The following RELA variants were observed in gnomAD, a reference collection of about 807,000 sequenced individuals.
The protein encoded by RELA is transcription factor p65.
Under a neutral mutation model 56.7 loss-of-function variants are expected in RELA, and 14 were observed. The ratio of observed to expected loss-of-function variants is 0.25; its 90% CI spans 0.16 to 0.39. The LOEUF is 0.39. RELA is among the 10% of genes least tolerant of loss of function. The probability of loss-of-function intolerance (pLI) is 1.00; values close to 1 mark genes in which losing one functional copy is unlikely to be tolerated. For missense variants in RELA, 559 were observed against 736.4 expected (o/e 0.76, Z 2.79); for synonymous variants, 315 against 289.7 (o/e 1.09, Z -0.89).
chr11:65,663,303 C>CG (rs1181580243), upstream of RELA, among the ~76,000 whole-genome samples: 1 of 152,206 alleles, frequency 6.6e-6, no homozygotes, highest in African/African-American at 2.4e-5. Flanking sequence ...AAAGCCCGAC[C>CG]GGGCCTTCTG....
At position 65,661,734 on chromosome 11, in the gene RELA, C is replaced by A; in HGVS notation, c.288G>T (p.Arg96=). The A allele has an allele frequency of 6.2e-7, 1 of 1,613,056 alleles. No individual in the cohort carries two copies. The highest frequency in any genetic ancestry group is 8.5e-7 in the Non-Finnish European group (1 of 1,179,468). The part of the protein sequence containing the change: ...HPHELVGKDC[R]DGFYEAELCP... The stretch of plus-strand genomic sequence containing the variant: ...AGAGCTCAGCCTCATAGAAGCCATC[C>A]CGGCAGTCCTTTCCTACAAGCTCGT... The change falls in exon 4 of 11, where the codon CGG becomes CGT. Residue 96 remains arginine, a synonymous_variant. Coordinates refer to ENST00000406246, the MANE Select transcript of RELA (RefSeq NM_021975.4).
At position 65,654,554 on chromosome 11, in the gene RELA, T is replaced by A; in HGVS notation, c.1480A>T (p.Met494Leu). 1 of 1,601,174 alleles carries A rather than the reference T, an allele frequency of 6.2e-7. No individual in the cohort carries two copies. Among genetic ancestry groups the A allele is most frequent in the Non-Finnish European group, 8.5e-7 (1 of 1,172,728 alleles). The change falls in exon 11 of 11, where the codon ATG becomes TTG. Residue 494 changes from methionine to leucine, a missense_variant. By Grantham distance (15) the Met-to-Leu change is conservative. Around this residue, in one of 4 missense-constraint regions of RELA, gnomAD observed 365 missense variants for 387.5 expected, o/e 0.94. Transcript: ENST00000406246. ...CGAGTTATAGCCTCAGGGTACTCCA[T>A]CAGCATGGGCTCAGTTGTGTGGGGG... ...VAPHTTEPML[M>L]EYPEAITRLV...
In RELA at chr11:65,659,757, A is replaced by G. The variant is rs760624127; in HGVS notation, c.468T>C (p.Ala156=). 1.3e-5 allele frequency: 21 copies of G among 1,613,796 alleles called. No homozygotes were observed. The highest frequency in any genetic ancestry group is 4.4e-5 in the South Asian group (4 of 91,082). The change falls in exon 6 of 11, where the codon GCT becomes GCC. Residue 156 remains alanine (A), a synonymous_variant. Coordinates refer to ENST00000406246, the MANE Select transcript of RELA (RefSeq NM_021975.4). ...EEQRGDYDLN[A]VRLCFQVTVR... ...CTGTCACCTGGAAGCAGAGCCGCAC[A>G]GCATTCAGGTCGTAGTCCCCACGCT...
At chr11:65,660,544 T>C (rs1856538561) in intron 4 of RELA, 1 of 315,622 alleles carries the variant, frequency 3.2e-6, no homozygotes, top group African/African-American at 2.2e-5. Context: ...TTCCTACTTC[T>C]CTCCTCCTTC....
At position 65,653,945 on chromosome 11, in the gene RELA, G is replaced by T. The variant is rs907513819; in HGVS notation, c.*433C>A. 1.1e-5 allele frequency: 3 copies of T among 276,742 alleles called. No homozygotes were observed. The highest frequency in any genetic ancestry group is 7.0e-5 in the African/African-American group (3 of 42,706). The allele number at this position is 276,742 out of a possible 1,614,324, so 17.1% of individuals were successfully genotyped here. ...CAATGCCAGTGCCATACAGGGGCTGGTATCTGGGGCGTTATTTTGATTAAG... is the reference window on the plus strand; with the variant it reads ...CAATGCCAGTGCCATACAGGGGCTGTTATCTGGGGCGTTATTTTGATTAAG... On this transcript the variant is annotated 3_prime_UTR_variant, in exon 11 of 11. Transcript: ENST00000406246.
At chr11:65,663,522 C>T (rs1004153200), upstream of RELA, among the ~76,000 whole-genome samples, 7 of 152,230 alleles carry the variant, frequency 4.6e-5, no homozygotes. Flanking sequence ...ACGACTGAGG[C>T]CCTCCCGCTG....
rs1214397254 is a variant in RELA, at chr11:65,658,137, A to G, written c.877+150T>C. 9 of 605,348 alleles carry G rather than the reference A, an allele frequency of 1.5e-5. No individual in the cohort carries two copies. The East Asian group carries it at 2.0e-4, about 13-fold the overall frequency. 37.5% of individuals were successfully genotyped at this position (605,348 alleles called of 1,614,324 possible). ...CAATGTCTGAGGTATCATTATTATT[A>G]AATGAGGCAAGAAATGGATTCCAGT... On this transcript the variant is annotated intron_variant, in intron 8 of 10. Coordinates refer to ENST00000406246, the MANE Select transcript of RELA (RefSeq NM_021975.4). The surrounding 1 kb of genome is among the most constrained non-coding windows in gnomAD (Gnocchi z 4.5).
chr11:65,654,118 A>C lies in RELA; in HGVS notation c.*260T>G. On this transcript the variant is annotated 3_prime_UTR_variant, in exon 11 of 11. Transcript: ENST00000406246. The stretch of plus-strand genomic sequence containing the variant: ...GAGTTCCCTACAGAGAAGGGAGCTG[A>C]CCATCAGGACAGGGGAAAAGTTTGA... 1.9e-6 allele frequency: 1 copy of C among 525,096 alleles called. No individual in the cohort carries two copies. 32.5% of individuals were successfully genotyped at this position (525,096 alleles called of 1,614,324 possible).
At chr11:65,655,248 G>A (rs1174989086) in intron 10 of RELA, 3 of 578,682 alleles carry the variant, frequency 5.2e-6, no homozygotes, top group Non-Finnish European at 9.2e-6. Context: ...TTTAGAGGAA[G>A]GGACACTTGG....
Position 65,662,102 on chromosome 11 carries a change from C to A in RELA, c.35-14G>T. 5.0e-6 allele frequency: 8 copies of A among 1,606,830 alleles called. No homozygotes were observed. The highest frequency in any genetic ancestry group is 6.8e-6 in the Non-Finnish European group (8 of 1,177,216). ...CCTGGGCTGGCTCTGCCAGGGGACA[C>A]CGCAGCCCCATTAGGCGGCTGCCCC... is the stretch of plus-strand genomic sequence containing the variant. On this transcript the variant is annotated splice_polypyrimidine_tract_variant and intron_variant, in intron 2 of 10. Coordinates refer to ENST00000406246, the MANE Select transcript of RELA (RefSeq NM_021975.4).
chr11:65,658,388 T>A lies in RELA; in HGVS notation c.776A>T (p.Asp259Val), dbSNP rs745468574. 2 of 1,613,674 alleles carry A rather than the reference T, an allele frequency of 1.2e-6. No homozygotes were observed. The highest frequency in any genetic ancestry group is 1.7e-6 in the Non-Finnish European group (2 of 1,179,916). ...ACGCACAGGAGCCTGCAGGCTGGGG[T>A]CTGCGTAGGGAGGGGTCCGGAACAC... ...AIVFRTPPYA[D>V]PSLQAPVRVS... is the part of the protein sequence containing the mutation. The change falls in exon 8 of 11, where the codon GAC (aspartate) becomes GTC (valine). Residue 259 changes from aspartate to valine, a missense_variant. This residue lies in a region of RELA where 365 missense variants were observed against 387.5 expected (regional missense o/e 0.94). Transcript: ENST00000406246. This position sits in a 1 kb window ranked among gnomAD's most constrained non-coding sequence, Gnocchi z 4.5.
chr11:65,660,265 T>G, intron 4 of RELA, 50 bp from the exon 5 acceptor site: 2 of 1,571,806 alleles, frequency 1.3e-6, no homozygotes, highest in Non-Finnish European at 1.8e-6. Flanking sequence ...AGCCCAGACC[T>G]TCCTGCCTTG....
chr11:65,655,986 C>A, intron 8 of RELA, 51 bp from the exon 9 acceptor site: 4 of 1,518,498 alleles, frequency 2.6e-6, no homozygotes, highest in Non-Finnish European at 3.7e-6. Flanking sequence ...GGTGGGTCCC[C>A]GACGCTCTCA....
chr11:65,661,415 A>C (rs969317655), intron 4 of RELA: 1 of 370,522 alleles, frequency 2.7e-6, no homozygotes, highest in African/African-American at 2.1e-5. Flanking sequence ...CTCAAACAAG[A>C]GACGTGACTC....
intron 6 of RELA, 80 bp downstream of exon 6, chr11:65,659,586 T>C (rs1856511746): frequency 6.4e-7 from 1 of 1,560,948 alleles, no homozygotes. Flanking sequence ...GAGCGCCTCT[T>C]GCAGGCCACA....
chr11:65,660,307 C>G (rs1216398905), intron 4 of RELA, 92 bp from the exon 5 acceptor site: 4 of 1,149,752 alleles, frequency 3.5e-6, no homozygotes, highest in Non-Finnish European at 5.2e-6. Flanking sequence ...CTGCCCACCC[C>G]TAGATCATCG....
intron 4 of RELA, 146 bp from the exon 5 acceptor site, chr11:65,660,361 C>T (rs537766775): frequency 3.0e-5 from 21 of 690,864 alleles, no homozygotes; most frequent in Middle Eastern, 5.6e-4. Flanking sequence ...TGTGCTGCAA[C>T]GAACCCTGTC....
In RELA at chr11:65,654,750, G is replaced by A. The variant is rs575659795; in HGVS notation, c.1284C>T (p.Pro428=). 36 of 1,507,704 alleles carry A rather than the reference G, an allele frequency of 2.4e-5. No homozygotes were observed. Among genetic ancestry groups the A allele is most frequent in the African/African-American group, 2.1e-4 (15 of 71,940 alleles). 93.4% of individuals were successfully genotyped at this position (1,507,704 alleles called of 1,614,324 possible). A position where few individuals can be genotyped will look rare whatever the true frequency, so the allele number is the denominator to read the frequency against. ...ACAGCGTTCCTTCCCCAGCCTGGGT[G>A]GGCTTGGGGGCAGGTGGGGCCACAG... ...PQAVAPPAPK[P]TQAGEGTLSE... Residue 428 remains proline (P), a synonymous_variant, in exon 11 of 11, where the codon CCC becomes CCT. Coordinates refer to ENST00000406246, the MANE Select transcript of RELA (RefSeq NM_021975.4).
chr11:65,660,270 G>T, intron 4 of RELA, 55 bp from the exon 5 acceptor site: 1 of 1,517,050 alleles, frequency 6.6e-7, no homozygotes, highest in Non-Finnish European at 9.1e-7. Flanking sequence ...AGACCTTCCT[G>T]CCTTGCCCAG....
Sources: allele counts gnomAD v4.1 joint callset (sites outside exome capture counted in the v4.1 genomes callset), GRCh38; gene constraint gnomAD v4.1.1; regional missense constraint gnomAD v4.1.1; non-coding constraint Gnocchi (gnomAD v3.1); transcripts MANE v1.5; gene names NCBI Gene and HGNC (gene_info 2026-07-23, HGNC 2026-07-21).